The following PHLPP1 variants were observed in gnomAD, a reference collection of about 807,000 sequenced individuals.
The protein encoded by PHLPP1 is PH domain leucine-rich repeat-containing protein phosphatase 1.
In PHLPP1, 42 loss-of-function variants were observed where a neutral mutation model predicts 117.2. The ratio of observed to expected loss-of-function variants is 0.36; its 90% CI spans 0.28 to 0.46. The LOEUF (loss-of-function observed/expected upper bound fraction) is 0.46. Ranked by LOEUF, PHLPP1 falls within the 20% of genes least tolerant of loss-of-function variation. The probability of loss-of-function intolerance (pLI) is 1.00; values close to 1 mark genes in which losing one functional copy is unlikely to be tolerated. For missense variants in PHLPP1, 2,084 were observed against 2,241.9 expected, an observed-to-expected ratio of 0.93 and a Z score of 1.42; for synonymous variants, 1,042 against 970.7, an observed-to-expected ratio of 1.07 and a Z score of -1.37.
At chr18:62,762,363 A>G (rs1912274614) in intron 1 of PHLPP1, among the ~76,000 whole-genome samples, 1 of 149,400 alleles carries the variant, frequency 6.7e-6, no homozygotes, top group Non-Finnish European at 1.5e-5. Flanking sequence ...CTTAAAAGAA[A>G]CTAGTGTTTT....
intron 4 of PHLPP1, among the ~76,000 whole-genome samples, chr18:62,881,722 C>T (rs1033055834): frequency 6.6e-6 from 1 of 152,176 alleles, no homozygotes; most frequent in African/African-American, 2.4e-5. Flanking sequence ...TGGTGGACTC[C>T]TTGGCCCTTG....
chr18:62,753,193 C>A (rs1376389530), intron 1 of PHLPP1, among the ~76,000 whole-genome samples: 1 of 152,160 alleles, frequency 6.6e-6, no homozygotes, highest in African/African-American at 2.4e-5. Context: ...ATATGCTGCA[C>A]ATTTTATTAT....
At chr18:62,844,695 A>G (rs913553393) in intron 3 of PHLPP1, among the ~76,000 whole-genome samples, 7 of 152,186 alleles carry the variant, frequency 4.6e-5, no homozygotes, top group African/African-American at 1.4e-4. Flanking sequence ...CATTATCTAT[A>G]TGTGTGTGTT....
chr18:62,787,066 G>C lies in PHLPP1; in HGVS notation c.1577-42969G>C, dbSNP rs549236093. Among the ~76,000 whole-genome samples, 226 of 152,148 alleles carry C rather than the reference G, an allele frequency of 1.5e-3. 1 individual carries two copies. The highest frequency in any genetic ancestry group is 5.3e-3 in the African/African-American group (220 of 41,520). On this transcript the variant is annotated intron_variant, in intron 1 of 16. Transcript: ENST00000262719. ...TTATTTAGAGACGGAGTCTCACTTT[G>C]TCGCCCAGGCCAGAGTGCAGGGAAA...
At position 62,979,251 on chromosome 18, in the gene PHLPP1, G is replaced by T. The variant is rs191264315; in HGVS notation, c.4974G>T (p.Pro1658=). 1.1e-4 allele frequency: 179 copies of T among 1,584,716 alleles called. No individual in the cohort carries two copies. In the East Asian group the frequency reaches 4.0e-3, roughly 36 times the overall value. ...PGGYFAAPAQ[P]DPDDQFIIPP... The stretch of plus-strand genomic sequence containing the variant: ...GCTATTTTGCTGCCCCGGCTCAGCC[G>T]GATCCTGATGATCAGTTTATCATAC... Residue 1658 remains proline (P), a synonymous_variant, in exon 17 of 17, where the codon CCG becomes CCT. Transcript: ENST00000262719.
At chr18:62,838,676 G>T (rs1914974680) in intron 2 of PHLPP1, 108 bp from the exon 3 acceptor site, 2 of 1,085,288 alleles carry the variant, frequency 1.8e-6, no homozygotes, top group East Asian at 4.8e-5. Flanking sequence ...CATATATAGG[G>T]AAACATGCAA....
intron 1 of PHLPP1, among the ~76,000 whole-genome samples, chr18:62,751,800 CCTGCT>C (rs1911862959): frequency 1.3e-5 from 2 of 152,108 alleles, no homozygotes; most frequent in Admixed American, 1.3e-4. Context: ...TCCTCCATTT[CCTGCT>C]CTGCCCCTTA....
At chr18:62,777,190 T>C (rs973835195) in intron 1 of PHLPP1, among the ~76,000 whole-genome samples, 4 of 152,252 alleles carry the variant, frequency 2.6e-5, no homozygotes, top group African/African-American at 7.2e-5. Flanking sequence ...TTCCAAATGC[T>C]CTACATTCTC....
At chr18:62,818,638 G>C (rs1914358995) in intron 1 of PHLPP1, among the ~76,000 whole-genome samples, 1 of 152,228 alleles carries the variant, frequency 6.6e-6, no homozygotes, top group African/African-American at 2.4e-5. Flanking sequence ...TCAAGCCATT[G>C]AGGTCAAAGG....
intron 1 of PHLPP1, among the ~76,000 whole-genome samples, chr18:62,785,705 T>G (rs1381169268): frequency 6.6e-6 from 1 of 152,214 alleles, no homozygotes; most frequent in Non-Finnish European, 1.5e-5. Context: ...CATTGTTCTT[T>G]TCTCGGGTCA....
At chr18:62,871,499 T>A (rs560845790) in intron 4 of PHLPP1, among the ~76,000 whole-genome samples, 1 of 151,746 alleles carries the variant, frequency 6.6e-6, no homozygotes, top group Non-Finnish European at 1.5e-5. Context: ...GGGCTAATTT[T>A]TGTATTATTG....
intron 1 of PHLPP1, among the ~76,000 whole-genome samples, chr18:62,726,876 G>A: frequency 6.6e-6 from 1 of 151,666 alleles, no homozygotes; most frequent in East Asian, 1.9e-4. Context: ...GACCCACCAT[G>A]CCCGGCCAGT....
At chr18:62,741,496 C>T (rs1412914790) in intron 1 of PHLPP1, among the ~76,000 whole-genome samples, 1 of 152,040 alleles carries the variant, frequency 6.6e-6, no homozygotes, top group African/African-American at 2.4e-5. Context: ...GCCAATTGCA[C>T]AAGGACGCAG....
At chr18:62,884,149 C>T (rs1916229426) in intron 4 of PHLPP1, among the ~76,000 whole-genome samples, 1 of 152,150 alleles carries the variant, frequency 6.6e-6, no homozygotes, top group African/African-American at 2.4e-5. Flanking sequence ...TTTTTATGTA[C>T]TGACTCAATA....
chr18:62,757,126 T>C (rs558483313), intron 1 of PHLPP1, among the ~76,000 whole-genome samples: 3 of 152,350 alleles, frequency 2.0e-5, no homozygotes, highest in African/African-American at 4.8e-5. Context: ...CAACATTGTA[T>C]GCAAAATACT....
chr18:62,716,628 C>G lies in PHLPP1; in HGVS notation c.945C>G (p.Arg315=). Residue 315 remains arginine, a synonymous_variant, in exon 1 of 17, where the codon CGC becomes CGG. Transcript: ENST00000262719. This position sits in a 1 kb window ranked among gnomAD's most constrained non-coding sequence, Gnocchi z 5.7. ...GCGGCCCGGGCGGGTGGTCGCGCCG[C>G]GCCAGCCCAGCGCCCTCGGACTCCA... ...PVGGPGGWSR[R]ASPAPSDSSP... is the part of the protein sequence containing the mutation. 1.5e-6 allele frequency: 2 copies of G among 1,345,336 alleles called. No homozygotes were observed. Among genetic ancestry groups the G allele is most frequent in the Non-Finnish European group, 9.5e-7 (1 of 1,051,418 alleles). The allele number at this position is 1,345,336 out of a possible 1,614,324, so 83.3% of individuals were successfully genotyped here.
chr18:62,884,238 G>GA (rs1916231596), intron 4 of PHLPP1, among the ~76,000 whole-genome samples: 1 of 152,168 alleles, frequency 6.6e-6, no homozygotes, highest in Non-Finnish European at 1.5e-5. Flanking sequence ...AAAAAATGTG[G>GA]AGGGGGCTAT....
At chr18:62,819,625 C>T (rs1428875484) in intron 1 of PHLPP1, among the ~76,000 whole-genome samples, 2 of 152,058 alleles carry the variant, frequency 1.3e-5, no homozygotes, top group African/African-American at 4.8e-5. Flanking sequence ...TAACTGCTGC[C>T]TACAAGAAAC....
At chr18:62,900,368 C>T (rs1244114670) in intron 6 of PHLPP1, among the ~76,000 whole-genome samples, 1 of 147,724 alleles carries the variant, frequency 6.8e-6, no homozygotes, top group Non-Finnish European at 1.5e-5. Flanking sequence ...GTCCTAGTTA[C>T]ATCATGGTGA....
Sources: allele counts gnomAD v4.1 joint callset (sites outside exome capture counted in the v4.1 genomes callset), GRCh38; gene constraint gnomAD v4.1.1; non-coding constraint Gnocchi (gnomAD v3.1); transcripts MANE v1.5; gene names NCBI Gene and HGNC (gene_info 2026-07-23, HGNC 2026-07-21).